Variants in TRIM36 observed in about 807,000 individuals in gnomAD.
TRIM36 encodes tripartite motif containing 36.
TRIM36 carries 42 observed loss-of-function variants against 72.4 expected under a neutral mutation model. That is an observed-to-expected ratio of 0.58 (90% confidence interval 0.45 to 0.75). The LOEUF (loss-of-function observed/expected upper bound fraction) is 0.75, where lower values mean the gene tolerates loss of function less well. Among genes scored for constraint, TRIM36 ranks in the 30% least tolerant of loss-of-function variants. The pLI is 0.00. For synonymous variants in TRIM36, 315 were observed against 282.8 expected, an observed-to-expected ratio of 1.11 and a Z score of -1.14; for missense variants, 913 against 857.1, an observed-to-expected ratio of 1.07 and a Z score of -0.81.
intron 1 of TRIM36, chr5:115,177,789 G>T: frequency 6.2e-7 from 1 of 1,614,156 alleles, no homozygotes; most frequent in Non-Finnish European, 8.5e-7. Flanking sequence ...CAACCTCAGA[G>T]ATTTCAAAGG....
chr5:115,156,821 CTTAA>C lies in TRIM36; in HGVS notation c.262+6693_262+6696del, dbSNP rs1754200506. ...TAAAAACAAAGACAAATTGCTGGGACTTAATTAAACTAAAGAGCTTTTCCATGGC... is the reference window on the plus strand; with the variant it reads ...TAAAAACAAAGACAAATTGCTGGGACTTAAACTAAAGAGCTTTTCCATGGC... On this transcript the variant is annotated intron_variant, in intron 2 of 9. Transcript: ENST00000513154. Among the ~76,000 whole-genome samples, 5 of 152,238 alleles carry C rather than the reference CTTAA, an allele frequency of 3.3e-5. No homozygotes were observed. In the South Asian group the frequency reaches 1.0e-3, roughly 32 times the overall value.
intron 1 of TRIM36, among the ~76,000 whole-genome samples, chr5:115,167,100 T>C (rs1754820866): frequency 6.6e-6 from 1 of 152,192 alleles, no homozygotes; most frequent in Non-Finnish European, 1.5e-5. Flanking sequence ...TGAGCAAAAC[T>C]TGGGCAAAGG....
At chr5:115,138,515 A>G (rs917488764) in intron 5 of TRIM36, among the ~76,000 whole-genome samples, 7 of 152,184 alleles carry the variant, frequency 4.6e-5, no homozygotes, top group African/African-American at 1.7e-4. Context: ...TAGCTGTGTG[A>G]CCATATGCTA....
At position 115,126,403 on chromosome 5, in the gene TRIM36, G is replaced by T; in HGVS notation, c.*100C>A. 1 of 884,100 alleles carries T rather than the reference G, an allele frequency of 1.1e-6. No individual in the cohort carries two copies. The highest frequency in any genetic ancestry group is 1.7e-6 in the Non-Finnish European group (1 of 596,160). The allele number at this position is 884,100 out of a possible 1,614,324, so 54.8% of individuals were successfully genotyped here. The stretch of plus-strand genomic sequence containing the variant: ...AAGAATCATACTCAAACACAAGTGG[G>T]GTGACAGAACACTCAGCGATATGTA... On this transcript the variant is annotated 3_prime_UTR_variant, in exon 10 of 10. Coordinates refer to ENST00000513154, the MANE Select transcript of TRIM36 (RefSeq NM_001300759.2).
At chr5:115,170,078 G>C (rs993322851), upstream of TRIM36, 10 of 679,822 alleles carry the variant, frequency 1.5e-5, no homozygotes, top group Admixed American at 6.1e-5. Flanking sequence ...TCGGCTGGGC[G>C]TGGGTGTGGC....
intron 1 of TRIM36, among the ~76,000 whole-genome samples, chr5:115,165,148 T>G (rs1466878974): frequency 2.6e-5 from 4 of 152,220 alleles, no homozygotes; most frequent in Non-Finnish European, 4.4e-5. Context: ...CCTGCTTTCA[T>G]GGCTGGCATT....
Position 115,126,453 on chromosome 5 carries a change from G to A in TRIM36, c.*50C>T, listed in dbSNP as rs773799874. ...AATTAGTTACGAAGGTTAACGCTAA[G>A]GCATTGCTTTGTTTACAGTTTTTAT... On this transcript the variant is annotated 3_prime_UTR_variant, in exon 10 of 10. Transcript: ENST00000513154. 31 of 1,455,346 alleles carry A rather than the reference G, an allele frequency of 2.1e-5. No homozygotes were observed. In the South Asian group the frequency reaches 3.7e-4, roughly 18 times the overall value. The allele number at this position is 1,455,346 out of a possible 1,614,324, so 90.2% of individuals were successfully genotyped here. A position where few individuals can be genotyped will look rare whatever the true frequency, so the allele number is the denominator to read the frequency against.
rs555481580 is a variant in TRIM36 at position 115,126,518 on chromosome 5, G to C, written c.2136C>G (p.Tyr712Ter). 1 of 1,607,466 alleles carries C rather than the reference G, an allele frequency of 6.2e-7. No homozygotes were observed. The change falls in exon 10 of 10, where the codon TAC (tyrosine) becomes TAG (stop). Residue 712 changes from tyrosine (Y) to a stop codon, truncating the protein, a stop_gained. Coordinates refer to ENST00000513154, the MANE Select transcript of TRIM36 (RefSeq NM_001300759.2). LOFTEE classifies it high-confidence loss of function. ...EEPITAKYLE[Y>*]QEDM is the part of the protein sequence containing the mutation. ...GATGTTTCAACTACATGTCCTCTTG[G>C]TATTCCAGATATTTTGCTGTGATGG... is the stretch of plus-strand genomic sequence containing the variant.
intron 2 of TRIM36, chr5:115,148,262 C>T (rs1753698164): frequency 1.2e-6 from 1 of 861,338 alleles, no homozygotes. Flanking sequence ...AATGAATGAC[C>T]TTAAACATCA....
chr5:115,172,211 C>T (rs894784859), upstream of TRIM36, among the ~76,000 whole-genome samples: 3 of 152,106 alleles, frequency 2.0e-5, no homozygotes, highest in East Asian at 1.9e-4. Flanking sequence ...GTTGGTACAG[C>T]TTATCTCAAG....
chr5:115,134,139 C>A lies in TRIM36; in HGVS notation c.1219G>T (p.Val407Leu), dbSNP rs147215007. 6.4e-6 allele frequency: 10 copies of A among 1,560,616 alleles called. No individual in the cohort carries two copies. The highest frequency in any genetic ancestry group is 8.6e-6 in the Non-Finnish European group (10 of 1,156,388). ...CTCTGTTCCTCATTGATCTCTGGCA[C>A]GTCTATGCCTGAAAGAATTATGAAA... ...ELSFFSSGID[V>L]PEINEEQSKV... Residue 407 changes from valine (V) to leucine (L), a missense_variant, in exon 8 of 10, where the codon GTG becomes TTG. Coordinates refer to ENST00000513154, the MANE Select transcript of TRIM36 (RefSeq NM_001300759.2).
At chr5:115,159,689 A>G (rs905948133) in intron 2 of TRIM36, 1 of 449,972 alleles carries the variant, frequency 2.2e-6, no homozygotes, top group African/African-American at 2.0e-5. Flanking sequence ...AATGAACAGA[A>G]AGCTGGATTT....
intron 5 of TRIM36, among the ~76,000 whole-genome samples, chr5:115,138,130 C>T (rs1192501262): frequency 3.3e-5 from 5 of 152,316 alleles, no homozygotes; most frequent in East Asian, 3.9e-4. Context: ...GACAGAGTCT[C>T]GCTCTGTCGC....
chr5:115,127,247 C>A (rs572827801), intron 9 of TRIM36, among the ~76,000 whole-genome samples: 1 of 152,322 alleles, frequency 6.6e-6, no homozygotes, highest in Non-Finnish European at 1.5e-5. Flanking sequence ...CCACAGTGGT[C>A]CCGTAAGACT....
At chr5:115,178,990 G>A (rs1755475844) in intron 1 of TRIM36, among the ~76,000 whole-genome samples, 1 of 152,120 alleles carries the variant, frequency 6.6e-6, no homozygotes, top group Non-Finnish European at 1.5e-5. Context: ...CTCACATCAG[G>A]GCTACAGAAT....
At chr5:115,177,094 C>T (rs913948783) in intron 1 of TRIM36, 4 of 152,274 alleles carry the variant, frequency 2.6e-5, no homozygotes, top group Non-Finnish European at 4.4e-5. Context: ...TTTCAGAGAA[C>T]ATACGGTATG....
At position 115,126,311 on chromosome 5, in the gene TRIM36, C is replaced by A; in HGVS notation, c.*192G>T. 1 of 546,514 alleles carries A rather than the reference C, an allele frequency of 1.8e-6. No individual in the cohort carries two copies. Among genetic ancestry groups the A allele is most frequent in the South Asian group, 3.0e-5 (1 of 32,936 alleles). 33.9% of individuals were successfully genotyped at this position (546,514 alleles called of 1,614,324 possible). A position where few individuals can be genotyped will look rare whatever the true frequency, so the allele number is the denominator to read the frequency against. ...AACTTGGAAAGAACATCTTCACTTT[C>A]ATCATTTGTGAAAGGCAGAACAACG... On this transcript the variant is annotated 3_prime_UTR_variant, in exon 10 of 10. Coordinates refer to ENST00000513154, the MANE Select transcript of TRIM36 (RefSeq NM_001300759.2).
intron 7 of TRIM36, 114 bp downstream of exon 7, chr5:115,136,886 C>A: frequency 9.5e-7 from 1 of 1,053,784 alleles, no homozygotes; most frequent in Non-Finnish European, 1.3e-6. Context: ...TGTGATAGTC[C>A]TGGGCAAGTG....
At chr5:115,153,181 A>AG (rs1305316863) in intron 2 of TRIM36, among the ~76,000 whole-genome samples, 1 of 152,218 alleles carries the variant, frequency 6.6e-6, no homozygotes, top group Non-Finnish European at 1.5e-5. Context: ...CTTAAGGTAA[A>AG]GGGGTGGAAA....
Sources: gnomAD v4.1 joint callset for allele counts (sites outside exome capture counted in the v4.1 genomes callset) on GRCh38, gnomAD v4.1.1 for gene constraint, MANE v1.5 for transcripts, NCBI Gene and HGNC (gene_info 2026-07-23, HGNC 2026-07-21) for gene names.